The following RANBP2 variants were observed in gnomAD, a reference collection of about 807,000 sequenced individuals.
RANBP2 encodes the protein E3 SUMO-protein ligase RanBP2.
A neutral mutation model predicts 303.6 loss-of-function variants in RANBP2; 57 were observed. The observed-to-expected ratio is 0.19, with a 90% CI of 0.15 to 0.23. The LOEUF is 0.23. Among genes scored for constraint, RANBP2 ranks in the 10% least tolerant of loss-of-function variants. RANBP2 has a pLI of 1.00. For synonymous variants in RANBP2, 1,167 were observed against 1,301.5 expected (o/e 0.90, Z 2.23); for missense variants, 3,138 against 3,780.8 (o/e 0.83, Z 4.46).
At chr2:109,437,109 G>A in the RANBP2 span, 1 of 1,612,832 alleles carries the variant, frequency 6.2e-7, no homozygotes, top group South Asian at 1.1e-5. Context: ...ACTCAGCCCA[G>A]CCAACGGCCA....
At chr2:109,171,705 T>G in the RANBP2 span, among the ~76,000 whole-genome samples, 1 of 152,242 alleles carries the variant, frequency 6.6e-6, no homozygotes, top group Non-Finnish European at 1.5e-5. Context: ...AGCTAATGCC[T>G]TCCAGAGGCC....
At chr2:108,897,274 A>AATAG in the RANBP2 span, 1 of 1,546,862 alleles carries the variant, frequency 6.5e-7, no homozygotes, top group East Asian at 2.3e-5. Context: ...AGTCACAGTC[A>AATAG]ATAGAAGGTC....
chr2:109,411,513 G>C, the RANBP2 span, among the ~76,000 whole-genome samples: 3 of 152,178 alleles, frequency 2.0e-5, no homozygotes, highest in Admixed American at 6.5e-5. Flanking sequence ...ATTGCTGCTC[G>C]TTTGCATCCG....
chr2:109,471,162 G>A, the RANBP2 span, among the ~76,000 whole-genome samples: 1 of 137,900 alleles, frequency 7.3e-6, no homozygotes, highest in Non-Finnish European at 1.5e-5. Flanking sequence ...GCAATGAGCC[G>A]AGATCGTGCC....
the RANBP2 span, among the ~76,000 whole-genome samples, chr2:109,245,138 G>T: frequency 6.6e-6 from 1 of 152,116 alleles, no homozygotes; most frequent in Non-Finnish European, 1.5e-5. Flanking sequence ...ACCATCTCAC[G>T]GGAAGCTCCC....
At chr2:109,115,139 A>G in the RANBP2 span, among the ~76,000 whole-genome samples, 2 of 152,186 alleles carry the variant, frequency 1.3e-5, no homozygotes, top group Non-Finnish European at 2.9e-5. Context: ...GTAGATGTCT[A>G]TTAGGTCCGC....
chr2:109,633,633 G>A, the RANBP2 span, among the ~76,000 whole-genome samples: 290 of 152,162 alleles, frequency 1.9e-3, 1 homozygote, highest in African/African-American at 6.8e-3. Flanking sequence ...CAGAGCCACC[G>A]CCAAGAGGGA....
the RANBP2 span, among the ~76,000 whole-genome samples, chr2:108,815,418 G>T: frequency 7.3e-6 from 1 of 137,888 alleles, no homozygotes; most frequent in Non-Finnish European, 1.6e-5. Flanking sequence ...TCTCTCAGTT[G>T]TCATTTAACA....
the RANBP2 span, among the ~76,000 whole-genome samples, chr2:109,175,835 T>C: frequency 6.6e-6 from 1 of 152,242 alleles, no homozygotes; most frequent in African/African-American, 2.4e-5. Flanking sequence ...ATGCCAGTAA[T>C]AGTTTTTTAA....
At chr2:109,667,241 G>C in the RANBP2 span, 1 of 921,126 alleles carries the variant, frequency 1.1e-6, no homozygotes, top group Non-Finnish European at 1.8e-6. Flanking sequence ...ACGCAGGCAA[G>C]GTGCTGAAGG....
At chr2:109,073,476 G>A in the RANBP2 span, among the ~76,000 whole-genome samples, 3 of 151,996 alleles carry the variant, frequency 2.0e-5, no homozygotes, top group South Asian at 6.2e-4. Context: ...AGACCATCCT[G>A]GCTAACATGG....
At chr2:108,924,886 C>T in the RANBP2 span, among the ~76,000 whole-genome samples, 1 of 152,242 alleles carries the variant, frequency 6.6e-6, no homozygotes, top group South Asian at 2.1e-4. Context: ...TGTGAGTTCA[C>T]GGGCATGTGG....
At chr2:109,585,464 C>T in the RANBP2 span, 1 of 718,518 alleles carries the variant, frequency 1.4e-6, no homozygotes, top group Non-Finnish European at 2.3e-6. Context: ...ACGGCTGGTC[C>T]CCCAAGTCAT....
chr2:109,097,043 C>T, the RANBP2 span, among the ~76,000 whole-genome samples: 2 of 152,244 alleles, frequency 1.3e-5, no homozygotes, highest in South Asian at 2.1e-4. Flanking sequence ...CGGTGGCTCA[C>T]GCCTGTAATC....
the RANBP2 span, among the ~76,000 whole-genome samples, chr2:108,928,350 T>C: frequency 6.6e-6 from 1 of 152,160 alleles, no homozygotes; most frequent in Admixed American, 6.5e-5. Flanking sequence ...TCCCCAGCCA[T>C]GAGGTGAGAG....
chr2:109,000,355 CCT>C, the RANBP2 span, among the ~76,000 whole-genome samples: 25 of 152,064 alleles, frequency 1.6e-4, no homozygotes, highest in East Asian at 5.8e-4. Flanking sequence ...AGCAAGACCC[CCT>C]CTCTACAAAA....
At chr2:108,960,004 A>T in the RANBP2 span, among the ~76,000 whole-genome samples, 1 of 152,164 alleles carries the variant, frequency 6.6e-6, no homozygotes, top group Non-Finnish European at 1.5e-5. Context: ...CCACTCAGTC[A>T]ATGTCATGAT....
At chr2:109,065,143 G>A in the RANBP2 span, among the ~76,000 whole-genome samples, 9 of 152,284 alleles carry the variant, frequency 5.9e-5, no homozygotes, top group Middle Eastern at 6.8e-3. Flanking sequence ...TGTTGGCCCA[G>A]CTTCCAACAA....
At chr2:109,286,480 C>G in the RANBP2 span, among the ~76,000 whole-genome samples, 1 of 152,276 alleles carries the variant, frequency 6.6e-6, no homozygotes, top group African/African-American at 2.4e-5. Context: ...ACCACAGTCC[C>G]GCACAAGGCC....
Sources: gnomAD v4.1 joint callset for allele counts (sites outside exome capture counted in the v4.1 genomes callset) on GRCh38, gnomAD v4.1.1 for gene constraint, MANE v1.5 for transcripts, NCBI Gene and HGNC (gene_info 2026-07-23, HGNC 2026-07-21) for gene names.